Variants in CLUH observed in about 807,000 individuals in gnomAD.
CLUH encodes the protein CLUH binding protein of NUMT mRNA.
A neutral mutation model predicts 139.3 loss-of-function variants in CLUH; 77 were observed. That is an observed-to-expected ratio of 0.55 (90% CI 0.46 to 0.67). The LOEUF (loss-of-function observed/expected upper bound fraction) is 0.67, where lower values mean the gene tolerates loss of function less well. Ranked by LOEUF, CLUH falls within the 30% of genes least tolerant of loss-of-function variation. CLUH has a pLI of 0.00. For missense variants in CLUH, 1,876 were observed against 1,875.8 expected (o/e 1.00, Z 0.00); for synonymous variants, 999 against 801.6 (o/e 1.25, Z -4.16).
intron 17 of CLUH, 81 bp from the exon 18 acceptor site, chr17:2,694,357 G>A (rs1171923302): frequency 7.2e-6 from 11 of 1,520,820 alleles, no homozygotes; most frequent in Admixed American, 4.0e-5. Flanking sequence ...CAACGCTTGC[G>A]CACAGACGGC....
At position 2,696,420 on chromosome 17, in the gene CLUH, C is replaced by T. The variant is rs1449631843; in HGVS notation, c.2290+14G>A. ...CCTGGAGGGCTCCTGCGCTGGCCGG[C>T]CCCCACCACCTGCCTGGTGAGAAGA... is the stretch of plus-strand genomic sequence containing the variant. On this transcript the variant is annotated intron_variant, in intron 12 of 25. Transcript: ENST00000651024. 15 of 1,569,980 alleles carry T rather than the reference C, an allele frequency of 9.6e-6. No homozygotes were observed. The highest frequency in any genetic ancestry group is 1.3e-5 in the Non-Finnish European group (15 of 1,158,504).
Position 2,696,160 on chromosome 17 carries a change from A to C in CLUH, c.2390T>G (p.Leu797Trp), listed in dbSNP as rs530626304. ...CCAGCCCCGCAGCCCCTCCCTCACC[A>C]AGCCAGGGATCTGGCAGGAGAGCAG... is the stretch of plus-strand genomic sequence containing the variant. ...AFLLSCQIPG[L>W]VKDCMEHAVL... Residue 797 changes from leucine (L) to tryptophan (W), a missense_variant and splice_region_variant, in exon 13 of 26, where the codon TTG becomes TGG. Around this residue, in one of 3 missense-constraint regions of CLUH, gnomAD observed 1,454 missense variants for 1,384.4 expected, o/e 1.05. Coordinates refer to ENST00000651024, the MANE Select transcript of CLUH (RefSeq NM_001366661.1). 4 of 1,555,594 alleles carry C rather than the reference A, an allele frequency of 2.6e-6. No individual in the cohort carries two copies. The South Asian group carries it at 4.7e-5, about 18-fold the overall frequency.
At chr17:2,694,443 GCGGGGACA>G (rs751565992) in intron 17 of CLUH, 29 bp downstream of exon 17, 17 of 1,512,684 alleles carry the variant, frequency 1.1e-5, no homozygotes, top group Admixed American at 5.9e-5. Flanking sequence ...CGGGGACACA[GCGGGGACA>G]CAGCGGGGAT....
intron 25 of CLUH, 92 bp from the exon 26 acceptor site, chr17:2,690,869 C>T: frequency 9.5e-7 from 1 of 1,048,612 alleles, no homozygotes; most frequent in Non-Finnish European, 1.3e-6. Flanking sequence ...AGCTCAGGCT[C>T]TGCGCTCTAT....
intron 13 of CLUH, 97 bp downstream of exon 13, chr17:2,696,062 C>T (rs1345149481): frequency 1.0e-6 from 1 of 996,384 alleles, no homozygotes; most frequent in Non-Finnish European, 1.5e-6. Context: ...AAAAGTCACT[C>T]CTGCGAGCCT....
rs963904486 is a variant in CLUH at position 2,690,283 on chromosome 17, C to T, written c.*311G>A. On this transcript the variant is annotated 3_prime_UTR_variant, in exon 26 of 26. Transcript: ENST00000651024. The stretch of plus-strand genomic sequence containing the variant: ...AACGGTCAACACTCACAGCCAGGGG[C>T]GCACTCGCACACGCCGGCCGGACGG... 3.2e-5 allele frequency: 11 copies of T among 338,774 alleles called. No homozygotes were observed. Among genetic ancestry groups the T allele is most frequent in the Non-Finnish European group, 5.9e-5 (11 of 187,308 alleles). 21.0% of individuals were successfully genotyped at this position (338,774 alleles called of 1,614,324 possible).
chr17:2,696,680 C>T (rs2069959499), intron 11 of CLUH, 39 bp downstream of exon 11: 1 of 1,603,340 alleles, frequency 6.2e-7, no homozygotes, highest in Admixed American at 1.7e-5. Context: ...CTGGCAGGGC[C>T]AGCCCGGGCT....
chr17:2,701,108 T>A lies in CLUH; in HGVS notation c.1025+32A>T, dbSNP rs780034527. The A allele has an allele frequency of 3.7e-6, 6 of 1,610,248 alleles. No homozygotes were observed. The East Asian group carries it at 8.9e-5, about 24-fold the overall frequency. ...GCTCACCCCATGCCCCCGTGTGCCATGAGACAAGGCGGGAGGGGACAAAGG... is the reference window on the plus strand; with the variant it reads ...GCTCACCCCATGCCCCCGTGTGCCAAGAGACAAGGCGGGAGGGGACAAAGG... On this transcript the variant is annotated intron_variant, in intron 7 of 25. Coordinates refer to ENST00000651024, the MANE Select transcript of CLUH (RefSeq NM_001366661.1).
At position 2,697,950 on chromosome 17, in the gene CLUH, C is replaced by T. The variant is rs762171639; in HGVS notation, c.1907G>A (p.Arg636Gln). The T allele has an allele frequency of 8.3e-6, 13 of 1,558,716 alleles. No homozygotes were observed. The South Asian group carries it at 9.4e-5, about 11-fold the overall frequency. Residue 636 changes from arginine to glutamine, a missense_variant, in exon 10 of 26, where the codon CGG (arginine) becomes CAG (glutamine). By Grantham distance (43) the Arg-to-Gln change is conservative (BLOSUM62 1). Around this residue, in one of 3 missense-constraint regions of CLUH, gnomAD observed 1,454 missense variants for 1,384.4 expected, o/e 1.05. Coordinates refer to ENST00000651024, the MANE Select transcript of CLUH (RefSeq NM_001366661.1). ...CARAGFPRAH[R>Q]HKLCCLRQEL... is the part of the protein sequence containing the mutation. ...CTGGCGCAGGCAGCAGAGCTTGTGCCGGTGGGCGCGGGGGAAGCCGGCGCG... is the reference window on the plus strand; with the variant it reads ...CTGGCGCAGGCAGCAGAGCTTGTGCTGGTGGGCGCGGGGGAAGCCGGCGCG...
chr17:2,700,180 G>A (rs1461769397), intron 9 of CLUH, among the ~76,000 whole-genome samples: 1 of 152,198 alleles, frequency 6.6e-6, no homozygotes, highest in African/African-American at 2.4e-5. Flanking sequence ...CAAAGCCTCA[G>A]AGAGGCCAGA....
chr17:2,695,673 G>T, intron 13 of CLUH, 147 bp from the exon 14 acceptor site: 1 of 1,102,774 alleles, frequency 9.1e-7, no homozygotes, highest in Non-Finnish European at 1.3e-6. Context: ...AATGTGCCCA[G>T]CCTCTGGCAG....
chr17:2,700,604 G>A, intron 8 of CLUH, 74 bp downstream of exon 8: 17 of 1,527,288 alleles, frequency 1.1e-5, no homozygotes, highest in Non-Finnish European at 1.5e-5. Context: ...GGGCCTCCAG[G>A]GAAGTGCACG....
rs958758586 is a variant in CLUH at position 2,704,203 on chromosome 17, C to T, written c.303+159G>A. Among the ~76,000 whole-genome samples, 8 of 152,172 alleles carry T rather than the reference C, an allele frequency of 5.3e-5. No individual in the cohort carries two copies. Among genetic ancestry groups the T allele is most frequent in the East Asian group, 1.9e-4 (1 of 5,190 alleles). ...GACCTGACCCTGGGCTCGATTCCCA[C>T]GTCCACCACGCTAGCTGAGTGACTC... is the stretch of plus-strand genomic sequence containing the variant. On this transcript the variant is annotated intron_variant, in intron 2 of 25. Transcript: ENST00000651024. This position sits in a 1 kb window ranked among gnomAD's most constrained non-coding sequence, Gnocchi z 5.7.
Position 2,703,783 on chromosome 17 carries a change from G to T in CLUH, c.304-294C>A, listed in dbSNP as rs1252278112. Among the ~76,000 whole-genome samples, 1 of 152,124 alleles carries T rather than the reference G, an allele frequency of 6.6e-6. No homozygotes were observed. Among genetic ancestry groups the T allele is most frequent in the African/African-American group, 2.4e-5 (1 of 41,420 alleles). On this transcript the variant is annotated intron_variant, in intron 2 of 25. Coordinates refer to ENST00000651024, the MANE Select transcript of CLUH (RefSeq NM_001366661.1). This position sits in a 1 kb window ranked among gnomAD's most constrained non-coding sequence, Gnocchi z 4.2. ...CCCAGAGCAATGCCCGAGCAGAGAA[G>T]GGAGATGAAGAACAGCGGGACAGAA...
In CLUH at chr17:2,694,892, C is replaced by T. The variant is rs1183487084; in HGVS notation, c.2817G>A (p.Gln939=). 1.9e-6 allele frequency: 3 copies of T among 1,578,172 alleles called. No homozygotes were observed. The Admixed American group carries it at 5.5e-5, about 29-fold the overall frequency. The change falls in exon 16 of 26, where the codon CAG becomes CAA. Residue 939 remains glutamine, a synonymous_variant. Transcript: ENST00000651024. ...TPQELWKNIC[Q]EAKNYFDFDL... ...CGAAGTCAAAGTAGTTCTTGGCCTC[C>T]TGGCAGATGTTCTTCCAGAGCTCCT...
At position 2,711,545 on chromosome 17, in the gene CLUH, G is replaced by A. The variant is rs1252212405; in HGVS notation, c.100+17C>T. The A allele has an allele frequency of 7.8e-6, 7 of 893,404 alleles. No individual in the cohort carries two copies. The South Asian group carries it at 1.5e-4, about 20-fold the overall frequency. 55.3% of individuals were successfully genotyped at this position (893,404 alleles called of 1,614,324 possible). A position where few individuals can be genotyped will look rare whatever the true frequency, so the allele number is the denominator to read the frequency against. On this transcript the variant is annotated intron_variant, in intron 1 of 25. Coordinates refer to ENST00000651024, the MANE Select transcript of CLUH (RefSeq NM_001366661.1). Reference sequence around the variant, plus strand: ...GCGCCCCCCGCCCAGCGGCCCGCTGGCCCTGGCCCCGCTCACCGGCCGCGC... The same window carrying A: ...GCGCCCCCCGCCCAGCGGCCCGCTGACCCTGGCCCCGCTCACCGGCCGCGC...
rs368591249 is a variant in CLUH at position 2,697,959 on chromosome 17, C to T, written c.1898G>A (p.Arg633His). The T allele has an allele frequency of 2.0e-5, 31 of 1,567,902 alleles. No homozygotes were observed. Among genetic ancestry groups the T allele is most frequent in the Admixed American group, 5.5e-5 (3 of 55,002 alleles). ...PEECARAGFP[R>H]AHRHKLCCLR... ...GCAGCAGAGCTTGTGCCGGTGGGCG[C>T]GGGGGAAGCCGGCGCGGGCGCATTC... Residue 633 changes from arginine (R) to histidine (H), a missense_variant, in exon 10 of 26, where the codon CGC becomes CAC. Coordinates refer to ENST00000651024, the MANE Select transcript of CLUH (RefSeq NM_001366661.1).
chr17:2,690,687 GGGCTCCTC>G lies in CLUH; in HGVS notation c.3946_3953del (p.Glu1316HisfsTer96). On this transcript the variant is annotated frameshift_variant, in exon 26 of 26. Coordinates refer to ENST00000651024, the MANE Select transcript of CLUH (RefSeq NM_001366661.1). LOFTEE classifies it high-confidence loss of function. ...CCGCTGGCGCGGGCTCGGTAGCCAT[GGGCTCCTC>G]GGCTCTATCCCTGTTTCTGCTGGCC... The G allele has an allele frequency of 1.3e-6, 2 of 1,565,364 alleles. No homozygotes were observed. The highest frequency in any genetic ancestry group is 1.7e-6 in the Non-Finnish European group (2 of 1,162,352).
intron 9 of CLUH, 116 bp downstream of exon 9, chr17:2,700,266 A>T: frequency 1.1e-6 from 1 of 925,736 alleles, no homozygotes; most frequent in South Asian, 1.6e-5. Context: ...GCCTTCGGGG[A>T]ACCTGACAGG....
Sources: allele counts gnomAD v4.1 joint callset (sites outside exome capture counted in the v4.1 genomes callset), GRCh38; gene constraint gnomAD v4.1.1; regional missense constraint gnomAD v4.1.1; non-coding constraint Gnocchi (gnomAD v3.1); transcripts MANE v1.5; gene names NCBI Gene and HGNC (gene_info 2026-07-23, HGNC 2026-07-21).